NRG1: variants seen among roughly 807,000 people sequenced by gnomAD.
NRG1 encodes neuregulin 1.
In NRG1, 18 loss-of-function variants were observed where a neutral mutation model predicts 63.8. That is an observed-to-expected ratio of 0.28 (90% CI 0.19 to 0.42). The LOEUF is 0.42. NRG1 is among the 10% of genes least tolerant of loss of function. NRG1 has a pLI of 1.00. For synonymous variants in NRG1, 302 were observed against 301.3 expected, an observed-to-expected ratio of 1.00 and a Z score of -0.02; for missense variants, 762 against 814.7, an observed-to-expected ratio of 0.94 and a Z score of 0.79.
chr8:31,977,205 T>C (rs1311206002), intron 1 of NRG1, among the ~76,000 whole-genome samples: 1 of 152,182 alleles, frequency 6.6e-6, no homozygotes, highest in African/African-American at 2.4e-5. Context: ...TAAATCAACA[T>C]ATACTTCTTT....
At chr8:32,250,419 C>T (rs978231) in intron 1 of NRG1, among the ~76,000 whole-genome samples, 102,512 of 152,004 alleles carry the variant, frequency 0.67, 35,017 homozygotes, top group Admixed American at 0.76. Flanking sequence ...GATCCACCAT[C>T]GAAAATGCAT....
chr8:32,539,205 C>G (rs1353019665), intron 1 of NRG1, among the ~76,000 whole-genome samples: 1 of 152,122 alleles, frequency 6.6e-6, no homozygotes. Flanking sequence ...GGAGAAGTTT[C>G]TATTTTATAG....
rs111250157 is a variant in NRG1, at chr8:32,382,544, A to G, written c.38-213284A>G. Among the ~76,000 whole-genome samples the G allele has an allele frequency of 2.5e-3, 381 of 152,322 alleles. 3 individuals are homozygous for G. Among genetic ancestry groups the G allele is most frequent in the African/African-American group, 8.9e-3 (369 of 41,580 alleles). ...TGCAAGGTCCTATCTACCTGGAAAT[A>G]TAAGATTAAGGTTTGCAAATCCACT... On this transcript the variant is annotated intron_variant, in intron 1 of 10. Transcript: ENST00000519301.
chr8:32,398,961 A>C (rs1368313720), intron 1 of NRG1, among the ~76,000 whole-genome samples: 1 of 152,190 alleles, frequency 6.6e-6, no homozygotes, highest in Non-Finnish European at 1.5e-5. Flanking sequence ...ATATCATAGA[A>C]ACCTTTTTGT....
chr8:32,573,225 G>A (rs1838958184), intron 1 of NRG1, among the ~76,000 whole-genome samples: 1 of 152,206 alleles, frequency 6.6e-6, no homozygotes, highest in Non-Finnish European at 1.5e-5. Context: ...CTTATTGCTA[G>A]ATGAAATTCT....
chr8:32,311,995 C>T (rs1856848797), intron 1 of NRG1, among the ~76,000 whole-genome samples: 1 of 152,062 alleles, frequency 6.6e-6, no homozygotes, highest in South Asian at 2.1e-4. Flanking sequence ...GTTTGCTCAA[C>T]CTGTTTACAC....
At chr8:32,069,720 C>A (rs544124746) in intron 1 of NRG1, among the ~76,000 whole-genome samples, 1 of 152,196 alleles carries the variant, frequency 6.6e-6, no homozygotes, top group African/African-American at 2.4e-5. Context: ...GGTGCAGAAA[C>A]CTATGATAGA....
At chr8:32,493,288 A>G (rs545754314) in intron 1 of NRG1, among the ~76,000 whole-genome samples, 2 of 152,304 alleles carry the variant, frequency 1.3e-5, no homozygotes, top group South Asian at 4.1e-4. Flanking sequence ...GAGGCCCCTA[A>G]GAAGAAAAAA....
intron 1 of NRG1, among the ~76,000 whole-genome samples, chr8:32,582,980 AT>A (rs1840932621): frequency 6.6e-6 from 1 of 152,052 alleles, no homozygotes; most frequent in African/African-American, 2.4e-5. Context: ...TGTTTAGTGT[AT>A]TCCTTTATAT....
intron 1 of NRG1, among the ~76,000 whole-genome samples, chr8:32,121,854 G>T (rs1369276605): frequency 1.3e-5 from 2 of 151,832 alleles, no homozygotes; most frequent in African/African-American, 4.8e-5. Context: ...ATTTAATTTT[G>T]TCCAAATAAA....
intron 1 of NRG1, among the ~76,000 whole-genome samples, chr8:32,196,943 CTTTTTTTTTTTTTTTT>C (rs773398472): frequency 0.051 from 1,412 of 27,490 alleles, 47 homozygotes; most frequent in Middle Eastern, 0.19. Flanking sequence ...TCAGAACATT[CTTTTTTTTTTTTTTTT>C]TTTTTTTTTT....
chr8:32,678,851 T>G (rs1013194878), intron 5 of NRG1, among the ~76,000 whole-genome samples: 17 of 152,254 alleles, frequency 1.1e-4, no homozygotes, highest in Middle Eastern at 3.4e-3. Context: ...GTCCATGTAT[T>G]ATGAAAGATT....
In NRG1 at chr8:32,672,623, A is replaced by G. The variant is rs187608509; in HGVS notation, c.503-55326A>G. On this transcript the variant is annotated intron_variant, in intron 5 of 11. Coordinates refer to ENST00000356819, the Ensembl canonical transcript of NRG1. ...TATTGTAGCCAAAAAATTAATTTAC[A>G]TAGGTACACAGATGATGACATGGTA... 9.8e-5 allele frequency among the ~76,000 whole-genome samples: 15 copies of G among 152,338 alleles called. No individual in the cohort carries two copies. In the East Asian group the frequency reaches 1.2e-3, roughly 12 times the overall value.
At chr8:31,828,661 AATTT>A (rs1394801797) in intron 1 of NRG1, among the ~76,000 whole-genome samples, 2 of 152,132 alleles carry the variant, frequency 1.3e-5, no homozygotes, top group African/African-American at 4.8e-5. Context: ...CCTGTTGCCA[AATTT>A]TGACCTCTCT....
At chr8:32,150,411 G>A (rs1837372320) in intron 1 of NRG1, among the ~76,000 whole-genome samples, 1 of 152,114 alleles carries the variant, frequency 6.6e-6, no homozygotes, top group South Asian at 2.1e-4. Context: ...GGTCTTTGGG[G>A]AACTGATTAA....
intron 1 of NRG1, among the ~76,000 whole-genome samples, chr8:32,177,129 C>G (rs1257853319): frequency 3.3e-5 from 5 of 152,038 alleles, no homozygotes; most frequent in African/African-American, 1.2e-4. Context: ...ACATATACAC[C>G]ATGGAATACT....
chr8:31,748,862 T>G (rs11779083), intron 1 of NRG1, among the ~76,000 whole-genome samples: 32,348 of 151,728 alleles, frequency 0.21, 3,882 homozygotes, highest in Middle Eastern at 0.27. Flanking sequence ...AGTACAGTGA[T>G]ACGGGAATCA....
At chr8:32,677,741 T>C (rs1807524670) in intron 5 of NRG1, among the ~76,000 whole-genome samples, 1 of 152,226 alleles carries the variant, frequency 6.6e-6, no homozygotes, top group Admixed American at 6.5e-5. Context: ...AAAATACTCC[T>C]GCAAACAATT....
chr8:32,546,220 A>G (rs1347809372), upstream of NRG1, among the ~76,000 whole-genome samples: 2 of 152,224 alleles, frequency 1.3e-5, no homozygotes, highest in Admixed American at 1.3e-4. Context: ...AAAAATGACC[A>G]GTAAGCTGTT....
Sources: gnomAD v4.1 joint callset for allele counts (sites outside exome capture counted in the v4.1 genomes callset) on GRCh38, gnomAD v4.1.1 for gene constraint, MANE v1.5 for transcripts, NCBI Gene and HGNC (gene_info 2026-07-23, HGNC 2026-07-21) for gene names.